The following CMTM4 variants were observed in gnomAD, a reference collection of about 807,000 sequenced individuals.
CMTM4 encodes CKLF like MARVEL transmembrane domain containing 4, also known as CKLF-like MARVEL transmembrane domain-containing protein 4.
A neutral mutation model predicts 19.0 loss-of-function variants in CMTM4; 8 were observed. The ratio of observed to expected loss-of-function variants is 0.42; its 90% CI spans 0.25 to 0.76. The LOEUF is 0.76. Among genes scored for constraint, CMTM4 ranks in the 30% least tolerant of loss-of-function variants. CMTM4 has a pLI of 0.27. For missense variants in CMTM4, 228 were observed against 290.2 expected, an observed-to-expected ratio of 0.79 and a Z score of 1.56; for synonymous variants, 106 against 121.1, an observed-to-expected ratio of 0.88 and a Z score of 0.82.
intron 1 of CMTM4, among the ~76,000 whole-genome samples, chr16:66,641,270 G>A (rs1409243154): frequency 6.6e-6 from 1 of 152,132 alleles, no homozygotes; most frequent in African/African-American, 2.4e-5. Context: ...CTGGCCTCAA[G>A]AGATCCTCCC....
chr16:66,670,584 G>A (rs1360786428), intron 1 of CMTM4, among the ~76,000 whole-genome samples: 1 of 151,894 alleles, frequency 6.6e-6, no homozygotes. Context: ...GGCGGATCAC[G>A]AGGTCAAGAG....
At chr16:66,661,248 C>G (rs916269040) in intron 1 of CMTM4, among the ~76,000 whole-genome samples, 1 of 152,234 alleles carries the variant, frequency 6.6e-6, no homozygotes, top group Admixed American at 6.5e-5. Flanking sequence ...ATTATCCCAA[C>G]ATCAGCCAGA....
intron 1 of CMTM4, among the ~76,000 whole-genome samples, chr16:66,672,081 A>T (rs537561998): frequency 8.6e-5 from 13 of 152,020 alleles, no homozygotes; most frequent in Non-Finnish European, 1.9e-4. Context: ...TATAACACAT[A>T]TGTTGGTGCA....
chr16:66,606,360 G>C, the CMTM4 span, among the ~76,000 whole-genome samples: 1 of 152,178 alleles, frequency 6.6e-6, no homozygotes, highest in Non-Finnish European at 1.5e-5. Context: ...ACAGGAAGGG[G>C]AGGGCCAGAG....
intron 1 of CMTM4, among the ~76,000 whole-genome samples, chr16:66,685,089 T>G (rs1036931240): frequency 6.6e-6 from 1 of 152,236 alleles, no homozygotes; most frequent in African/African-American, 2.4e-5. Context: ...TGAATTGCTG[T>G]AATTTCAATG....
At chr16:66,642,045 T>C (rs2016105576) in intron 1 of CMTM4, among the ~76,000 whole-genome samples, 1 of 152,184 alleles carries the variant, frequency 6.6e-6, no homozygotes, top group African/African-American at 2.4e-5. Context: ...ATTTAGATGG[T>C]TTCTAATACT....
In CMTM4 at chr16:66,619,615, C is replaced by T. The variant is rs933086636; in HGVS notation, c.*2443G>A. On this transcript the variant is annotated 3_prime_UTR_variant, in exon 4 of 4. Transcript: ENST00000394106. Reference sequence around the variant, plus strand: ...AGAGGCAATATAAGAAAAATATAGGCGTCTTCATATTCACCTTGGATAACC... The same window carrying T: ...AGAGGCAATATAAGAAAAATATAGGTGTCTTCATATTCACCTTGGATAACC... 4.2e-5 allele frequency: 41 copies of T among 985,130 alleles called. No homozygotes were observed. Among genetic ancestry groups the T allele is most frequent in the African/African-American group, 2.1e-4 (12 of 57,164 alleles). 61.0% of individuals were successfully genotyped at this position (985,130 alleles called of 1,614,324 possible). A position where few individuals can be genotyped will look rare whatever the true frequency, so the allele number is the denominator to read the frequency against.
Position 66,617,553 on chromosome 16 carries a change from A to G in CMTM4, c.*4505T>C, listed in dbSNP as rs781776153. On this transcript the variant is annotated 3_prime_UTR_variant, in exon 4 of 4. Coordinates refer to ENST00000394106, the MANE Select transcript of CMTM4 (RefSeq NM_181521.3). Reference sequence around the variant, plus strand: ...TTCGGAAGAAAATTTTTCTAGACCTAACAGATATTGACGGTATTTTCTCTC... The same window carrying G: ...TTCGGAAGAAAATTTTTCTAGACCTGACAGATATTGACGGTATTTTCTCTC... 11 of 1,354,666 alleles carry G rather than the reference A, an allele frequency of 8.1e-6. No individual in the cohort carries two copies. The highest frequency in any genetic ancestry group is 9.5e-6 in the Non-Finnish European group (10 of 1,053,884). 83.9% of individuals were successfully genotyped at this position (1,354,666 alleles called of 1,614,324 possible).
chr16:66,609,589 G>A, the CMTM4 span: 1 of 1,532,622 alleles, frequency 6.5e-7, no homozygotes, highest in Admixed American at 2.0e-5. The surrounding 1 kb of genome is among the most constrained non-coding windows in gnomAD (Gnocchi z 4.4). Flanking sequence ...CCTCATTTAG[G>A]GTGGGACCTG....
chr16:66,634,556 T>C (rs1309595451), intron 2 of CMTM4, among the ~76,000 whole-genome samples: 1 of 151,978 alleles, frequency 6.6e-6, no homozygotes, highest in Non-Finnish European at 1.5e-5. Flanking sequence ...TTAATGGCTG[T>C]CAGATAAATG....
chr16:66,627,797 A>T (rs2015772225), intron 2 of CMTM4, among the ~76,000 whole-genome samples: 2 of 152,204 alleles, frequency 1.3e-5, no homozygotes, highest in Admixed American at 1.3e-4. Context: ...CTGAGAAAAG[A>T]AGTAAGACAC....
intron 3 of CMTM4, among the ~76,000 whole-genome samples, 167 bp downstream of exon 3, chr16:66,623,237 C>A (rs2015672068): frequency 6.6e-6 from 1 of 152,202 alleles, no homozygotes; most frequent in South Asian, 2.1e-4. Flanking sequence ...GGGGCCCATA[C>A]TTTGAGAACC....
rs540380218 is a variant in CMTM4 at position 66,683,109 on chromosome 16, TTG to T, written c.186+13229_186+13230del. Among the ~76,000 whole-genome samples the T allele has an allele frequency of 6.8e-3, 899 of 132,306 alleles. 7 individuals are homozygous for T. The highest frequency in any genetic ancestry group is 0.022 in the African/African-American group (743 of 34,088). 86.8% of individuals were successfully genotyped at this position (132,306 alleles called of 152,430 possible). ...ATTTTCCACCTCAAATAGAGTCTAG[TTG>T]TGTGTGTGTGTGTGTGTGTATATAT... is the stretch of plus-strand genomic sequence containing the variant. On this transcript the variant is annotated intron_variant, in intron 1 of 3. Coordinates refer to ENST00000394106, the MANE Select transcript of CMTM4 (RefSeq NM_181521.3).
rs1013089623 is a variant in CMTM4, at chr16:66,617,433, A to T, written c.*4625T>A. ...AAAAAGAATATATTCCAGACAAAAG[A>T]AGGGAAAATACAATAGGACCCACTC... On this transcript the variant is annotated 3_prime_UTR_variant, in exon 4 of 4. Transcript: ENST00000394106. 6.5e-7 allele frequency: 1 copy of T among 1,549,186 alleles called. No individual in the cohort carries two copies. Among genetic ancestry groups the T allele is most frequent in the Non-Finnish European group, 8.7e-7 (1 of 1,147,042 alleles).
chr16:66,666,063 C>T (rs928846122), intron 1 of CMTM4, among the ~76,000 whole-genome samples: 17 of 150,130 alleles, frequency 1.1e-4, no homozygotes, highest in Non-Finnish European at 4.4e-5. Flanking sequence ...CAGAGTGAGA[C>T]TCTGTCTCAA....
chr16:66,685,173 G>A (rs148072847), intron 1 of CMTM4, among the ~76,000 whole-genome samples: 32 of 152,208 alleles, frequency 2.1e-4, no homozygotes, highest in African/African-American at 7.5e-4. Context: ...GGTCTGATGA[G>A]GCAGCACAGG....
chr16:66,617,892 C>T lies in CMTM4; in HGVS notation c.*4166G>A, dbSNP rs901149187. 4.0e-6 allele frequency: 4 copies of T among 987,768 alleles called. No individual in the cohort carries two copies. Among genetic ancestry groups the T allele is most frequent in the African/African-American group, 1.7e-5 (1 of 57,230 alleles). 61.2% of individuals were successfully genotyped at this position (987,768 alleles called of 1,614,324 possible). ...TTGCCCTCAAGCTGACTGTGGAACG[C>T]GAGACAGCTTTCAAAGACAAGAGGA... On this transcript the variant is annotated 3_prime_UTR_variant, in exon 4 of 4. Coordinates refer to ENST00000394106, the MANE Select transcript of CMTM4 (RefSeq NM_181521.3).
chr16:66,618,891 GC>G lies in CMTM4; in HGVS notation c.*3166del, dbSNP rs2015575858. 1.0e-6 allele frequency: 1 copy of G among 985,446 alleles called. No individual in the cohort carries two copies. The highest frequency in any genetic ancestry group is 1.2e-6 in the Non-Finnish European group (1 of 830,010). The allele number at this position is 985,446 out of a possible 1,614,324, so 61.0% of individuals were successfully genotyped here. A position where few individuals can be genotyped will look rare whatever the true frequency, so the allele number is the denominator to read the frequency against. ...GCCCGAAGGGCTGGGGGTGCCGCTG[GC>G]TTCCCAGGGCCAAGCGCTCAGAGCT... On this transcript the variant is annotated 3_prime_UTR_variant, in exon 4 of 4. Coordinates refer to ENST00000394106, the MANE Select transcript of CMTM4 (RefSeq NM_181521.3).
intron 1 of CMTM4, among the ~76,000 whole-genome samples, chr16:66,664,823 T>C (rs1442390935): frequency 1.3e-5 from 2 of 152,136 alleles, no homozygotes; most frequent in African/African-American, 4.8e-5. Flanking sequence ...AATTTAAGCA[T>C]ACTAATAATT....
Sources: gnomAD v4.1 joint callset for allele counts (sites outside exome capture counted in the v4.1 genomes callset) on GRCh38, gnomAD v4.1.1 for gene constraint, Gnocchi (gnomAD v3.1) non-coding constraint, MANE v1.5 for transcripts, NCBI Gene and HGNC (gene_info 2026-07-23, HGNC 2026-07-21) for gene names.